Variants in TUSC3 observed in about 807,000 individuals in gnomAD.
TUSC3 encodes dolichyl-diphosphooligosaccharide--protein glycosyltransferase subunit TUSC3.
Under a neutral mutation model 44.8 loss-of-function variants are expected in TUSC3, and 45 were observed. The observed-to-expected ratio is 1.00, with a 90% CI of 0.79 to 1.29. TUSC3 has a LOEUF of 1.29. TUSC3 is among the 50% of genes most tolerant of loss of function. The pLI, the probability that TUSC3 is intolerant of heterozygous loss-of-function variation, is 0.00. For missense variants in TUSC3, 519 were observed against 437.9 expected (o/e 1.19, Z -1.65); for synonymous variants, 212 against 152.9 (o/e 1.39, Z -2.85).
At chr8:15,763,523 A>T (rs1299116098) in intron 10 of TUSC3, among the ~76,000 whole-genome samples, 1 of 152,150 alleles carries the variant, frequency 6.6e-6, no homozygotes, top group South Asian at 2.1e-4. Flanking sequence ...AAGACTCAAA[A>T]AGAACATGCC....
chr8:15,802,306 G>A, the TUSC3 span, among the ~76,000 whole-genome samples: 5 of 152,140 alleles, frequency 3.3e-5, no homozygotes, highest in Non-Finnish European at 5.9e-5. Flanking sequence ...CAAAACATGA[G>A]CTCTTAATAA....
intron 6 of TUSC3, among the ~76,000 whole-genome samples, chr8:15,689,821 G>GGTGTGTGTGTGTGTGT (rs71543657): frequency 1.5e-5 from 2 of 131,056 alleles, no homozygotes; most frequent in African/African-American, 2.9e-5. Flanking sequence ...AATAGTCCAT[G>GGTGTGTGTGTGTGTGT]GTGTGTGTGT....
At chr8:15,742,023 C>T (rs145449979) in intron 7 of TUSC3, among the ~76,000 whole-genome samples, 621 of 152,186 alleles carry the variant, frequency 4.1e-3, no homozygotes, top group Middle Eastern at 0.014. Flanking sequence ...AGTAGATGGT[C>T]CAAAACACTT....
intron 1 of TUSC3, among the ~76,000 whole-genome samples, chr8:15,602,647 T>C (rs911887060): frequency 6.8e-6 from 1 of 147,662 alleles, no homozygotes; most frequent in East Asian, 2.0e-4. Flanking sequence ...TTTGGGGTTG[T>C]GAAGATTAAA....
chr8:15,423,343 G>C (rs1799761664), intron 1 of TUSC3, among the ~76,000 whole-genome samples: 1 of 152,006 alleles, frequency 6.6e-6, no homozygotes, highest in Non-Finnish European at 1.5e-5. Context: ...AAAGTGAGTT[G>C]GACTATGTAC....
chr8:15,621,063 T>C (rs1022087237), intron 1 of TUSC3, among the ~76,000 whole-genome samples: 12 of 152,102 alleles, frequency 7.9e-5, no homozygotes, highest in African/African-American at 2.2e-4. Context: ...CATACGTAAG[T>C]AACTTTCTTA....
intron 2 of TUSC3, among the ~76,000 whole-genome samples, chr8:15,529,880 C>A (rs911589441): frequency 2.0e-5 from 2 of 102,156 alleles, no homozygotes; most frequent in Non-Finnish European, 3.7e-5. Context: ...TCACTGCAAG[C>A]TCCGCTTCCT....
chr8:15,832,786 G>C, the TUSC3 span, among the ~76,000 whole-genome samples: 1 of 152,218 alleles, frequency 6.6e-6, no homozygotes, highest in East Asian at 1.9e-4. Context: ...CCTAAAGCAA[G>C]TTCTTAGAGA....
the TUSC3 span, among the ~76,000 whole-genome samples, chr8:15,791,058 C>T: frequency 1.3e-5 from 2 of 152,070 alleles, no homozygotes; most frequent in African/African-American, 2.4e-5. Flanking sequence ...GAACTAAACC[C>T]AGGGTAATGG....
chr8:15,639,668 T>G (rs1268429337), intron 2 of TUSC3, among the ~76,000 whole-genome samples: 4 of 152,166 alleles, frequency 2.6e-5, no homozygotes, highest in Non-Finnish European at 5.9e-5. Flanking sequence ...CATTTATTCT[T>G]GGTTTCAATG....
At chr8:15,755,155 T>C (rs1811870299) in intron 9 of TUSC3, among the ~76,000 whole-genome samples, 1 of 152,146 alleles carries the variant, frequency 6.6e-6, no homozygotes, top group South Asian at 2.1e-4. Flanking sequence ...ACTTCCCTGA[T>C]TGGAATACCC....
chr8:15,583,289 T>G (rs1803451819), intron 1 of TUSC3, among the ~76,000 whole-genome samples: 1 of 152,210 alleles, frequency 6.6e-6, no homozygotes, highest in Non-Finnish European at 1.5e-5. Flanking sequence ...TTATGTTCAA[T>G]TCTTTTTTGG....
chr8:15,540,494 A>C lies in TUSC3; in HGVS notation c.64A>C (p.Thr22Pro), dbSNP rs763215985. 1 of 1,608,564 alleles carries C rather than the reference A, an allele frequency of 6.2e-7. No homozygotes were observed. Among genetic ancestry groups the C allele is most frequent in the Admixed American group, 1.7e-5 (1 of 59,720 alleles). Residue 22 changes from threonine to proline, a missense_variant, in exon 1 of 11, where the codon ACC (threonine) becomes CCC (proline). Thr to Pro is a conservative substitution (Grantham distance 38, BLOSUM62 -1). Coordinates refer to ENST00000503731, the MANE Select transcript of TUSC3 (RefSeq NM_006765.4). ...GGGGCGGCGGCTGCGGTACCTGCCC[A>C]CCGGGAGCTTTCCCTTCCTTCTCCT... is the stretch of plus-strand genomic sequence containing the variant. ...QAGRRLRYLP[T>P]GSFPFLLLLL...
chr8:15,675,436 CT>C (rs766343036), intron 6 of TUSC3, among the ~76,000 whole-genome samples: 47 of 148,316 alleles, frequency 3.2e-4, no homozygotes, highest in East Asian at 1.8e-3. Context: ...GGGTTTCAGA[CT>C]TTTTTTTTTC....
chr8:15,539,009 C>A (rs1801581442), upstream of TUSC3, among the ~76,000 whole-genome samples: 1 of 151,258 alleles, frequency 6.6e-6, no homozygotes, highest in South Asian at 2.1e-4. Context: ...CCCACCATAC[C>A]CAGCTGTTAA....
At chr8:15,771,126 G>T (rs147465959), downstream of TUSC3, among the ~76,000 whole-genome samples, 1 of 152,048 alleles carries the variant, frequency 6.6e-6, no homozygotes, top group South Asian at 2.1e-4. Context: ...AGAAACCATC[G>T]GCCAAGAATT....
chr8:15,514,034 C>G (rs1801177980), intron 2 of TUSC3, among the ~76,000 whole-genome samples: 1 of 152,162 alleles, frequency 6.6e-6, no homozygotes, highest in Non-Finnish European at 1.5e-5. Flanking sequence ...ATAACCAGTA[C>G]TTTTCATCCT....
In TUSC3 at chr8:15,608,987, T is replaced by C. The variant is rs17612128; in HGVS notation, c.139-14093T>C. 5.1e-3 allele frequency among the ~76,000 whole-genome samples: 776 copies of C among 152,312 alleles called. 18 individuals carry two copies. In the East Asian group the frequency reaches 0.075, roughly 15 times the overall value. ...TTGGTAGAATTAAACACTGTTTAAG[T>C]TGATGAAAAACAAGCGTTGGAAATT... On this transcript the variant is annotated intron_variant, in intron 1 of 10. Transcript: ENST00000503731.
the TUSC3 span, among the ~76,000 whole-genome samples, chr8:15,843,778 G>T: frequency 6.6e-6 from 1 of 152,016 alleles, no homozygotes; most frequent in Middle Eastern, 3.4e-3. Context: ...TATATACTTA[G>T]TACTGGGGAT....
Sources: allele counts gnomAD v4.1 joint callset (sites outside exome capture counted in the v4.1 genomes callset), GRCh38; gene constraint gnomAD v4.1.1; transcripts MANE v1.5; gene names NCBI Gene and HGNC (gene_info 2026-07-23, HGNC 2026-07-21).